CATSPERB: variants seen among roughly 807,000 people sequenced by gnomAD.
CATSPERB encodes the protein catsper channel auxiliary subunit beta, also known as cation channel sperm-associated auxiliary subunit beta.
A neutral mutation model predicts 128.3 loss-of-function variants in CATSPERB; 93 were observed. The ratio of observed to expected loss-of-function variants is 0.72; its 90% CI spans 0.61 to 0.86. The LOEUF (loss-of-function observed/expected upper bound fraction) is 0.86, where lower values mean the gene tolerates loss of function less well. Ranked by LOEUF, CATSPERB falls within the 40% of genes least tolerant of loss-of-function variation. CATSPERB has a pLI of 0.00. For synonymous variants in CATSPERB, 381 were observed against 448.8 expected (o/e 0.85, Z 1.91); for missense variants, 1,153 against 1,329.5 (o/e 0.87, Z 2.06).
At chr14:91,596,212 C>CT (rs893648054) in intron 22 of CATSPERB, among the ~76,000 whole-genome samples, 13 of 151,058 alleles carry the variant, frequency 8.6e-5, no homozygotes, top group African/African-American at 1.2e-4. Flanking sequence ...ATCCACCCCC[C>CT]TTTTTTTTTG....
intron 17 of CATSPERB, among the ~76,000 whole-genome samples, chr14:91,634,704 T>C (rs955831648): frequency 2.7e-5 from 4 of 149,460 alleles, no homozygotes; most frequent in Non-Finnish European, 5.9e-5. Flanking sequence ...TACTCAGCCA[T>C]ACAAAACAAT....
At chr14:91,587,123 C>T in intron 26 of CATSPERB, 79 bp downstream of exon 26, 2 of 1,155,652 alleles carry the variant, frequency 1.7e-6, no homozygotes, top group Admixed American at 2.4e-5. Flanking sequence ...AATTTTTTCT[C>T]TTCGGTGTCT....
intron 10 of CATSPERB, among the ~76,000 whole-genome samples, chr14:91,689,029 G>A (rs1316439572): frequency 6.6e-6 from 1 of 152,158 alleles, no homozygotes; most frequent in Non-Finnish European, 1.5e-5. Context: ...TTTGACAATT[G>A]GAATAATAGA....
At chr14:91,619,885 GTGTGTGT>G (rs1894011614) in intron 19 of CATSPERB, among the ~76,000 whole-genome samples, 2 of 147,946 alleles carry the variant, frequency 1.4e-5, no homozygotes, top group Non-Finnish European at 3.1e-5. Flanking sequence ...GTGTGTGTGT[GTGTGTGT>G]GTGTGTGTGT....
chr14:91,724,815 A>C, intron 3 of CATSPERB, among the ~76,000 whole-genome samples: 1 of 152,212 alleles, frequency 6.6e-6, no homozygotes, highest in East Asian at 1.9e-4. Flanking sequence ...CTCCACTAAA[A>C]AGGGGAGGGA....
intron 14 of CATSPERB, among the ~76,000 whole-genome samples, chr14:91,661,322 T>C (rs903032941): frequency 2.6e-5 from 4 of 152,092 alleles, no homozygotes; most frequent in Admixed American, 6.6e-5. Flanking sequence ...CACTGTCCTA[T>C]AGTCTCCAAC....
chr14:91,646,323 C>T (rs1018663489), intron 15 of CATSPERB: 1 of 152,898 alleles, frequency 6.5e-6, no homozygotes, highest in African/African-American at 2.4e-5. Flanking sequence ...TATGTAGACT[C>T]CATCCACTTC....
At chr14:91,583,214 T>C (rs1391065691) in intron 26 of CATSPERB, among the ~76,000 whole-genome samples, 5 of 152,176 alleles carry the variant, frequency 3.3e-5, no homozygotes, top group Non-Finnish European at 7.4e-5. Context: ...GTCAGGAGAT[T>C]GAGACCATCC....
At chr14:91,629,064 T>C (rs554535809) in intron 17 of CATSPERB, among the ~76,000 whole-genome samples, 1 of 152,210 alleles carries the variant, frequency 6.6e-6, no homozygotes, top group Non-Finnish European at 1.5e-5. Context: ...AACCTGCAAA[T>C]AGGTGTTTAC....
chr14:91,600,833 G>T (rs1893597078), intron 22 of CATSPERB, among the ~76,000 whole-genome samples: 1 of 152,250 alleles, frequency 6.6e-6, no homozygotes, highest in Non-Finnish European at 1.5e-5. Context: ...CTTGCCCCAA[G>T]GGGCTGCCCT....
intron 22 of CATSPERB, among the ~76,000 whole-genome samples, chr14:91,606,408 C>T (rs1893704158): frequency 6.6e-6 from 1 of 151,800 alleles, no homozygotes; most frequent in African/African-American, 2.4e-5. Context: ...ACTAAAAATG[C>T]AAACATTGGC....
intron 10 of CATSPERB, among the ~76,000 whole-genome samples, chr14:91,684,605 C>CTTTTTTTTCT (rs1210523150): frequency 8.9e-6 from 1 of 112,344 alleles, no homozygotes; most frequent in Non-Finnish European, 1.8e-5. Context: ...GGAGACACTT[C>CTTTTTTTTCT]TTTTTTTTTT....
rs1893190763 is a variant in CATSPERB at position 91,580,763 on chromosome 14, C to G, written c.*126G>C. On this transcript the variant is annotated 3_prime_UTR_variant, in exon 27 of 27. Coordinates refer to ENST00000256343, the MANE Select transcript of CATSPERB (RefSeq NM_024764.4). ...AAATGGTGAATATATTGACAAGTAG[C>G]AATTTGAATTATAATGACAATTCTT... 1.4e-6 allele frequency: 1 copy of G among 696,690 alleles called. No individual in the cohort carries two copies. The highest frequency in any genetic ancestry group is 2.4e-6 in the Non-Finnish European group (1 of 419,268). 43.2% of individuals were successfully genotyped at this position (696,690 alleles called of 1,614,324 possible).
At chr14:91,701,288 A>T (rs1332940680) in intron 7 of CATSPERB, among the ~76,000 whole-genome samples, 1 of 152,204 alleles carries the variant, frequency 6.6e-6, no homozygotes, top group Non-Finnish European at 1.5e-5. Context: ...GTAGTGATTA[A>T]GCAGTAATCC....
chr14:91,602,970 C>T (rs1893632578), intron 22 of CATSPERB, among the ~76,000 whole-genome samples: 1 of 152,096 alleles, frequency 6.6e-6, no homozygotes, highest in Non-Finnish European at 1.5e-5. Flanking sequence ...GATTTTTCAT[C>T]ATCACCTCTC....
intron 22 of CATSPERB, among the ~76,000 whole-genome samples, chr14:91,606,469 A>C (rs1010100265): frequency 1.3e-5 from 2 of 152,102 alleles, no homozygotes; most frequent in East Asian, 3.9e-4. Context: ...GGCCTGAGGC[A>C]GGAGAATCGC....
intron 11 of CATSPERB, among the ~76,000 whole-genome samples, chr14:91,680,576 C>G (rs1895263324): frequency 6.6e-6 from 1 of 152,172 alleles, no homozygotes; most frequent in Non-Finnish European, 1.5e-5. Context: ...CTGCCCACCT[C>G]CATTCTAATC....
At chr14:91,624,210 A>T (rs1490596413) in intron 18 of CATSPERB, among the ~76,000 whole-genome samples, 1 of 152,158 alleles carries the variant, frequency 6.6e-6, no homozygotes. Context: ...GGCCGGGTGC[A>T]GTGGCTCATG....
intron 19 of CATSPERB, among the ~76,000 whole-genome samples, chr14:91,617,939 G>C (rs535802154): frequency 6.6e-6 from 1 of 152,314 alleles, no homozygotes; most frequent in South Asian, 2.1e-4. Flanking sequence ...GACCCCAAGA[G>C]AGGGTTCTTG....
Sources: allele counts gnomAD v4.1 joint callset (sites outside exome capture counted in the v4.1 genomes callset), GRCh38; gene constraint gnomAD v4.1.1; transcripts MANE v1.5; gene names NCBI Gene and HGNC (gene_info 2026-07-23, HGNC 2026-07-21).